Variants in ITGA8 observed in about 807,000 individuals in gnomAD.
ITGA8 encodes integrin subunit alpha 8, also known as integrin alpha-8.
A neutral mutation model predicts 142.3 loss-of-function variants in ITGA8; 91 were observed. The ratio of observed to expected loss-of-function variants is 0.64; its 90% CI spans 0.54 to 0.76. ITGA8 has a LOEUF of 0.76. Among genes scored for constraint, ITGA8 ranks in the 30% least tolerant of loss-of-function variants. The probability of loss-of-function intolerance (pLI) is 0.00; values close to 1 mark genes in which losing one functional copy is unlikely to be tolerated. For synonymous variants in ITGA8, 505 were observed against 485.2 expected, an observed-to-expected ratio of 1.04 and a Z score of -0.54; for missense variants, 1,406 against 1,327.7, an observed-to-expected ratio of 1.06 and a Z score of -0.92.
intron 28 of ITGA8, among the ~76,000 whole-genome samples, chr10:15,524,985 T>G (rs1833141634): frequency 6.6e-6 from 1 of 152,006 alleles, no homozygotes; most frequent in East Asian, 1.9e-4. Flanking sequence ...TGAAGAATCT[T>G]TCATTCATTT....
chr10:15,656,375 AT>A (rs1351799297), intron 10 of ITGA8, among the ~76,000 whole-genome samples: 1 of 151,282 alleles, frequency 6.6e-6, no homozygotes, highest in African/African-American at 2.4e-5. Flanking sequence ...TTATTTATTT[AT>A]TTTTTGAGAT....
intron 20 of ITGA8, among the ~76,000 whole-genome samples, chr10:15,602,383 T>C (rs962766665): frequency 6.6e-6 from 1 of 152,208 alleles, no homozygotes; most frequent in Non-Finnish European, 1.5e-5. Flanking sequence ...TTACTTCCTT[T>C]ATTCTTATTT....
chr10:15,719,834 AG>A lies in ITGA8; in HGVS notation c.-64del, dbSNP rs11575599. ...GCGAGCCGAGGACCCCTGCGGGGCA[AG>A]GGGGGCTGGTGGAATCTGGCGGTCC... On this transcript the variant is annotated 5_prime_UTR_variant, in exon 1 of 30. Coordinates refer to ENST00000378076, the MANE Select transcript of ITGA8 (RefSeq NM_003638.3). 2 of 1,175,300 alleles carry A rather than the reference AG, an allele frequency of 1.7e-6. No individual in the cohort carries two copies. Among genetic ancestry groups the A allele is most frequent in the East Asian group, 3.2e-5 (1 of 31,170 alleles). 72.8% of individuals were successfully genotyped at this position (1,175,300 alleles called of 1,614,324 possible). A position where few individuals can be genotyped will look rare whatever the true frequency, so the allele number is the denominator to read the frequency against.
chr10:15,711,648 A>C (rs868066559), intron 2 of ITGA8, among the ~76,000 whole-genome samples: 1 of 151,244 alleles, frequency 6.6e-6, no homozygotes, highest in Non-Finnish European at 1.5e-5. Flanking sequence ...AGTTCCATCA[A>C]CCTCCCCCCC....
At chr10:15,688,804 C>A (rs917988779) in intron 2 of ITGA8, among the ~76,000 whole-genome samples, 2 of 152,134 alleles carry the variant, frequency 1.3e-5, no homozygotes, top group Non-Finnish European at 2.9e-5. Flanking sequence ...AATTTACTTT[C>A]AACATAAAAA....
intron 25 of ITGA8, among the ~76,000 whole-genome samples, chr10:15,560,043 G>T: frequency 6.6e-6 from 1 of 152,104 alleles, no homozygotes; most frequent in Non-Finnish European, 1.5e-5. Flanking sequence ...ACTTTGGGAG[G>T]CCGAGTCAGG....
rs148843439 is a variant in ITGA8, at chr10:15,660,611, A to G, written c.891+268T>C. Among the ~76,000 whole-genome samples, 15 of 152,338 alleles carry G rather than the reference A, an allele frequency of 9.8e-5. 1 individual carries two copies. The East Asian group carries it at 2.9e-3, about 29-fold the overall frequency. On this transcript the variant is annotated intron_variant, in intron 9 of 29. Coordinates refer to ENST00000378076, the MANE Select transcript of ITGA8 (RefSeq NM_003638.3). ...ATTTTGAGTTTTGATCTTTTCCCAG[A>G]CTAGCAATATGCGATATGATGCTCT...
chr10:15,637,140 G>C (rs1257403593), intron 13 of ITGA8, among the ~76,000 whole-genome samples: 1 of 152,306 alleles, frequency 6.6e-6, no homozygotes, highest in South Asian at 2.1e-4. Context: ...GTGAGACTCT[G>C]TCTCTAAATC....
intron 8 of ITGA8, among the ~76,000 whole-genome samples, chr10:15,663,053 G>A (rs960358120): frequency 1.1e-4 from 17 of 152,170 alleles, no homozygotes; most frequent in Non-Finnish European, 1.8e-4. Flanking sequence ...GATCCAGTGA[G>A]GCCTATGCAT....
At chr10:15,554,335 G>A (rs1436735790) in intron 26 of ITGA8, among the ~76,000 whole-genome samples, 1 of 152,160 alleles carries the variant, frequency 6.6e-6, no homozygotes, top group Admixed American at 6.5e-5. Context: ...GAGAGGCAGA[G>A]CCTATGGGGG....
chr10:15,586,863 T>C (rs1832841270), intron 22 of ITGA8, among the ~76,000 whole-genome samples, 199 bp from the exon 23 acceptor site: 1 of 152,174 alleles, frequency 6.6e-6, no homozygotes, highest in South Asian at 2.1e-4. Context: ...AATAGTAATG[T>C]AACAACTGTC....
intron 23 of ITGA8, among the ~76,000 whole-genome samples, chr10:15,585,769 C>T (rs1294314682): frequency 3.3e-5 from 5 of 152,132 alleles, no homozygotes; most frequent in Admixed American, 6.5e-5. Flanking sequence ...ACCCTTTTCC[C>T]CCGTCTCTCA....
At chr10:15,707,770 C>G (rs1414457601) in intron 2 of ITGA8, among the ~76,000 whole-genome samples, 1 of 150,628 alleles carries the variant, frequency 6.6e-6, no homozygotes, top group Admixed American at 6.6e-5. Context: ...TTGCGGTGAG[C>G]CTAGATTGTG....
Position 15,646,542 on chromosome 10 carries a change from T to C in ITGA8, c.1207+304A>G, listed in dbSNP as rs187084521. Among the ~76,000 whole-genome samples the C allele has an allele frequency of 6.3e-4, 96 of 152,310 alleles. No individual in the cohort carries two copies. In the South Asian group the frequency reaches 0.013, roughly 21 times the overall value. On this transcript the variant is annotated intron_variant, in intron 12 of 29. Coordinates refer to ENST00000378076, the MANE Select transcript of ITGA8 (RefSeq NM_003638.3). ...ACCGAATGTGTCTTCTACAAGGAGA[T>C]CAATTATACTAAATTTAGGATTGAA...
chr10:15,629,625 C>T (rs557582022), intron 13 of ITGA8, among the ~76,000 whole-genome samples: 1 of 152,122 alleles, frequency 6.6e-6, no homozygotes, highest in South Asian at 2.1e-4. Context: ...AAATTTGGAG[C>T]CCTTAAAATT....
At chr10:15,627,299 A>T (rs550269932) in intron 13 of ITGA8, among the ~76,000 whole-genome samples, 1 of 152,036 alleles carries the variant, frequency 6.6e-6, no homozygotes, top group Admixed American at 6.5e-5. Flanking sequence ...ATTAGTATGC[A>T]GCAGCCCTCA....
Position 15,678,714 on chromosome 10 carries a change from T to G in ITGA8, c.630+8A>C. On this transcript the variant is annotated splice_region_variant and intron_variant, in intron 5 of 29. Coordinates refer to ENST00000378076, the MANE Select transcript of ITGA8 (RefSeq NM_003638.3). ...AATATTAGGAACTGCGAGACCAAAATAATTCACCTTATAAAAATCCAGACT... is the reference window on the plus strand; with the variant it reads ...AATATTAGGAACTGCGAGACCAAAAGAATTCACCTTATAAAAATCCAGACT... 1.2e-6 allele frequency: 2 copies of G among 1,601,786 alleles called. No homozygotes were observed. The highest frequency in any genetic ancestry group is 2.7e-5 in the African/African-American group (2 of 74,726).
At chr10:15,519,447 C>G (rs200987767) in intron 28 of ITGA8, 35 bp from the exon 29 acceptor site, 4 of 1,609,536 alleles carry the variant, frequency 2.5e-6, no homozygotes. Context: ...AGCTCTAATG[C>G]GAAAACTATT....
Position 15,558,182 on chromosome 10 carries a change from G to A in ITGA8, c.2658C>T (p.Asp886=). Reference sequence around the variant, plus strand: ...GCAAAAAGGCGCTGAGCTCAGGGGTGTCCTCTGGGGAGGCAGCAGGCTGCA... The same window carrying A: ...GCAAAAAGGCGCTGAGCTCAGGGGTATCCTCTGGGGAGGCAGCAGGCTGCA... The part of the protein sequence containing the change: ...QDIKPAASPE[D]TPELSAFLRN... The change falls in exon 26 of 30, where the codon GAC becomes GAT. Residue 886 remains aspartate, a synonymous_variant. Coordinates refer to ENST00000378076, the MANE Select transcript of ITGA8 (RefSeq NM_003638.3). 6.2e-7 allele frequency: 1 copy of A among 1,614,164 alleles called. No individual in the cohort carries two copies.
Sources: allele counts gnomAD v4.1 joint callset (sites outside exome capture counted in the v4.1 genomes callset), GRCh38; gene constraint gnomAD v4.1.1; transcripts MANE v1.5; gene names NCBI Gene and HGNC (gene_info 2026-07-23, HGNC 2026-07-21).